WASF3: variants seen among roughly 807,000 people sequenced by gnomAD.
WASF3 encodes the protein WASP family member 3.
A neutral mutation model predicts 46.6 loss-of-function variants in WASF3; 11 were observed. That is an observed-to-expected ratio of 0.24 (90% CI 0.15 to 0.39). WASF3 has a LOEUF of 0.39. Among genes scored for constraint, WASF3 ranks in the 10% least tolerant of loss-of-function variants. The pLI, the probability that WASF3 is intolerant of heterozygous loss-of-function variation, is 1.00. For synonymous variants in WASF3, 242 were observed against 259.7 expected, an observed-to-expected ratio of 0.93 and a Z score of 0.65; for missense variants, 576 against 669.8, an observed-to-expected ratio of 0.86 and a Z score of 1.55.
At position 26,642,376 on chromosome 13, in the gene WASF3, G is replaced by T. The variant is rs758928652; in HGVS notation, c.106G>T (p.Ala36Ser). 3.1e-6 allele frequency: 5 copies of T among 1,606,372 alleles called. No homozygotes were observed. The South Asian group carries it at 4.5e-5, about 14-fold the overall frequency. Residue 36 changes from alanine to serine, a missense_variant, in exon 3 of 10, where the codon GCT becomes TCT. Ala to Ser is a moderately conservative substitution (Grantham distance 99). Coordinates refer to ENST00000335327, the MANE Select transcript of WASF3 (RefSeq NM_006646.6). ...LECVTNSTLA[A>S]IIRQLSSLSK... ...ATGTGTAACCAATAGTACTCTTGCCGCTATCATACGCCAGCTGAGCAGTCT... is the reference window on the plus strand; with the variant it reads ...ATGTGTAACCAATAGTACTCTTGCCTCTATCATACGCCAGCTGAGCAGTCT...
chr13:26,553,397 T>C (rs941022882), upstream of WASF3, among the ~76,000 whole-genome samples: 12 of 152,014 alleles, frequency 7.9e-5, no homozygotes, highest in Non-Finnish European at 1.6e-4. Context: ...TTCCATTTTA[T>C]AGGCTATGCA....
At chr13:26,567,112 TACA>T (rs1363150878) in intron 1 of WASF3, among the ~76,000 whole-genome samples, 3 of 152,204 alleles carry the variant, frequency 2.0e-5, no homozygotes, top group Non-Finnish European at 4.4e-5. Flanking sequence ...AAAGTGAAAG[TACA>T]ACAATCAAAA....
In WASF3 at chr13:26,660,194, G is replaced by GTTTTTTTTTTTTTTT. The variant is rs71080285; in HGVS notation, c.134-4813_134-4799dup. ...GTAATTAGCTTTTGTTTTTTGTTTGGTTTTTTTTTTTTTTTTTTTTTTTTT... is the reference window on the plus strand; with the variant it reads ...GTAATTAGCTTTTGTTTTTTGTTTGGTTTTTTTTTTTTTTTTTTTTTTTTTTTTTTTTTTTTTTTT... On this transcript the variant is annotated intron_variant, in intron 3 of 9. Coordinates refer to ENST00000335327, the MANE Select transcript of WASF3 (RefSeq NM_006646.6). Among the ~76,000 whole-genome samples, 10 of 43,376 alleles carry GTTTTTTTTTTTTTTT rather than the reference G, an allele frequency of 2.3e-4. 1 individual carries two copies. The highest frequency in any genetic ancestry group is 7.4e-4 in the African/African-American group (10 of 13,450). 28.5% of individuals were successfully genotyped at this position (43,376 alleles called of 152,430 possible).
At chr13:26,629,112 C>A (rs1881571415) in intron 2 of WASF3, among the ~76,000 whole-genome samples, 1 of 152,218 alleles carries the variant, frequency 6.6e-6, no homozygotes, top group Admixed American at 6.5e-5. Flanking sequence ...AAAGTGGGTC[C>A]CCTCGTCAGA....
At chr13:26,558,188 C>T (rs1192269862) in intron 1 of WASF3, among the ~76,000 whole-genome samples, 1 of 152,022 alleles carries the variant, frequency 6.6e-6, no homozygotes, top group Non-Finnish European at 1.5e-5. Flanking sequence ...CGGGCCTCCG[C>T]TCGCGCCCCA....
intron 1 of WASF3, 25 bp downstream of exon 1, chr13:26,557,844 G>T (rs1399413362): frequency 1.4e-4 from 43 of 303,320 alleles, no homozygotes; most frequent in Non-Finnish European, 2.1e-4. Flanking sequence ...CGGTCGCCCC[G>T]GCTCTCCGCT....
At chr13:26,576,820 G>C (rs1879811129) in intron 1 of WASF3, 1 of 445,810 alleles carries the variant, frequency 2.2e-6, no homozygotes, top group African/African-American at 2.0e-5. Context: ...GCTTCCTCCA[G>C]TGGTAACATC....
chr13:26,668,041 A>T (rs1882824314), intron 5 of WASF3, among the ~76,000 whole-genome samples: 1 of 152,202 alleles, frequency 6.6e-6, no homozygotes, highest in Admixed American at 6.5e-5. Context: ...TTTATAATGC[A>T]GCAAAATACC....
At chr13:26,569,044 T>C (rs1879555876) in intron 1 of WASF3, among the ~76,000 whole-genome samples, 1 of 152,132 alleles carries the variant, frequency 6.6e-6, no homozygotes, top group Non-Finnish European at 1.5e-5. Context: ...TGCTGCCGTT[T>C]TAAATTAGTG....
chr13:26,661,315 C>T (rs9507758), intron 3 of WASF3, among the ~76,000 whole-genome samples: 15,058 of 152,268 alleles, frequency 0.099, 812 homozygotes, highest in African/African-American at 0.15. Flanking sequence ...CACCATTCTC[C>T]TGTCTCTATG....
upstream of WASF3, among the ~76,000 whole-genome samples, chr13:26,555,643 C>T (rs1435992638): frequency 6.6e-6 from 1 of 152,174 alleles, no homozygotes; most frequent in Non-Finnish European, 1.5e-5. Flanking sequence ...ACAAGGGAAG[C>T]AGGCATCCTG....
In WASF3 at chr13:26,685,780, A is replaced by G; in HGVS notation, c.1444A>G (p.Ile482Val). Reference sequence around the variant, plus strand: ...CGTGGCCACGATCCTGTCCCGGCGCATTGCCGTGGAGTACAGCGACTCTGA... The same window carrying G: ...CGTGGCCACGATCCTGTCCCGGCGCGTTGCCGTGGAGTACAGCGACTCTGA... ...NDVATILSRR[I>V]AVEYSDSDDD... Residue 482 changes from isoleucine to valine, a missense_variant, in exon 10 of 10, where the codon ATT becomes GTT. Ile to Val is a conservative substitution (Grantham distance 29, BLOSUM62 3). Around this residue, in one of 3 missense-constraint regions of WASF3, gnomAD observed 68 missense variants for 100.3 expected, o/e 0.68. Transcript: ENST00000335327. 6.2e-7 allele frequency: 1 copy of G among 1,606,122 alleles called. No homozygotes were observed. Among genetic ancestry groups the G allele is most frequent in the Non-Finnish European group, 8.5e-7 (1 of 1,175,446 alleles).
At chr13:26,670,336 G>A (rs1385423815) in intron 5 of WASF3, among the ~76,000 whole-genome samples, 4 of 151,962 alleles carry the variant, frequency 2.6e-5, no homozygotes, top group Admixed American at 6.6e-5. Flanking sequence ...ATCACATACC[G>A]GGCCTGTTGG....
At chr13:26,599,026 G>A (rs574873851) in intron 1 of WASF3, among the ~76,000 whole-genome samples, 11 of 151,786 alleles carry the variant, frequency 7.2e-5, no homozygotes, top group East Asian at 3.9e-4. Context: ...GCATGCCACC[G>A]CGCCTGGCTA....
chr13:26,589,333 C>T (rs1880223553), intron 1 of WASF3, among the ~76,000 whole-genome samples: 1 of 152,106 alleles, frequency 6.6e-6, no homozygotes, highest in South Asian at 2.1e-4. Context: ...GGGGCAGTGC[C>T]TGGAGAGCAT....
At chr13:26,675,716 T>C (rs1456179644) in intron 6 of WASF3, among the ~76,000 whole-genome samples, 2 of 146,570 alleles carry the variant, frequency 1.4e-5, no homozygotes, top group Non-Finnish European at 3.0e-5. Flanking sequence ...ACCTCGGGCA[T>C]AGCACTAGAA....
intron 5 of WASF3, among the ~76,000 whole-genome samples, chr13:26,669,206 C>CTT (rs71080286): frequency 6.0e-4 from 39 of 65,298 alleles, no homozygotes; most frequent in African/African-American, 1.3e-3. Flanking sequence ...ATATCTTTGA[C>CTT]TTTTTTTTTT....
In WASF3 at chr13:26,681,137, A is replaced by T. The variant is rs371129679; in HGVS notation, c.800A>T (p.Tyr267Phe). 3 of 1,613,800 alleles carry T rather than the reference A, an allele frequency of 1.9e-6. No homozygotes were observed. The highest frequency in any genetic ancestry group is 1.3e-5 in the African/African-American group (1 of 74,836). Reference sequence around the variant, plus strand: ...CACCCCCAGCCTGTGACCCCTTCCTATGCAGCTGGTGACGTGCCACCACAC... The same window carrying T: ...CACCCCCAGCCTGTGACCCCTTCCTTTGCAGCTGGTGACGTGCCACCACAC... ...SLHPQPVTPSYAAGDVPPHGP... is the reference protein window; with the variant it reads ...SLHPQPVTPSFAAGDVPPHGP... Residue 267 changes from tyrosine (Y) to phenylalanine (F), a missense_variant, in exon 8 of 10, where the codon TAT becomes TTT. Physicochemically the swap from Tyr to Phe is conservative, Grantham distance 22. This residue lies in a region of WASF3 where 295 missense variants were observed against 291.5 expected (regional missense o/e 1.01). Transcript: ENST00000335327.
chr13:26,590,811 C>T (rs1880269006), intron 1 of WASF3, among the ~76,000 whole-genome samples: 1 of 152,134 alleles, frequency 6.6e-6, no homozygotes, highest in South Asian at 2.1e-4. Flanking sequence ...AATCCCTGCC[C>T]TCACAAAGCT....
Sources: allele counts gnomAD v4.1 joint callset (sites outside exome capture counted in the v4.1 genomes callset), GRCh38; gene constraint gnomAD v4.1.1; regional missense constraint gnomAD v4.1.1; transcripts MANE v1.5; gene names NCBI Gene and HGNC (gene_info 2026-07-23, HGNC 2026-07-21).